The following CTDSP2 variants were observed in gnomAD, a reference collection of about 807,000 sequenced individuals.
CTDSP2 encodes the protein carboxy-terminal domain RNA polymerase II polypeptide A small phosphatase 2.
In CTDSP2, 9 loss-of-function variants were observed where a neutral mutation model predicts 31.6. The ratio of observed to expected loss-of-function variants is 0.28; its 90% confidence interval spans 0.17 to 0.50. The LOEUF is 0.50. Ranked by LOEUF, CTDSP2 falls within the 20% of genes least tolerant of loss-of-function variation. The pLI, the probability that CTDSP2 is intolerant of heterozygous loss-of-function variation, is 0.98. For missense variants in CTDSP2, 267 were observed against 348.5 expected (o/e 0.77, Z 1.86); for synonymous variants, 134 against 134.5 (o/e 1.00, Z 0.03).
At chr12:57,831,574 C>T (rs528179435) in intron 1 of CTDSP2, among the ~76,000 whole-genome samples, 5 of 152,208 alleles carry the variant, frequency 3.3e-5, no homozygotes, top group Non-Finnish European at 7.3e-5. Context: ...TGCACAACCA[C>T]TCACAGAATG....
chr12:57,844,881 G>C (rs1956304614), intron 1 of CTDSP2, among the ~76,000 whole-genome samples: 1 of 152,050 alleles, frequency 6.6e-6, no homozygotes. Flanking sequence ...TGATGCAAGA[G>C]GAACACACTG....
intron 4 of CTDSP2, among the ~76,000 whole-genome samples, chr12:57,826,737 A>G (rs1238944729): frequency 3.3e-5 from 5 of 152,110 alleles, no homozygotes; most frequent in Non-Finnish European, 7.4e-5. Flanking sequence ...TTTCTGTGCT[A>G]TGTGGCTCGG....
In CTDSP2 at chr12:57,823,499, C is replaced by A. The variant is rs1263191212; in HGVS notation, c.*103G>T. ...CAGTTACTTCCCGCTGTTTCCGGGCCGTGTGGTGAGGCACTCCAGCTTCTA... is the reference window on the plus strand; with the variant it reads ...CAGTTACTTCCCGCTGTTTCCGGGCAGTGTGGTGAGGCACTCCAGCTTCTA... On this transcript the variant is annotated 3_prime_UTR_variant, in exon 8 of 8. Coordinates refer to ENST00000398073, the MANE Select transcript of CTDSP2 (RefSeq NM_005730.4). 2.9e-6 allele frequency: 4 copies of A among 1,368,154 alleles called. No individual in the cohort carries two copies. Among genetic ancestry groups the A allele is most frequent in the Middle Eastern group, 1.9e-4 (1 of 5,336 alleles). The allele number at this position is 1,368,154 out of a possible 1,614,324, so 84.8% of individuals were successfully genotyped here. A position where few individuals can be genotyped will look rare whatever the true frequency, so the allele number is the denominator to read the frequency against.
intron 1 of CTDSP2, among the ~76,000 whole-genome samples, chr12:57,835,544 T>TCC (rs1472506030): frequency 1.3e-5 from 2 of 152,166 alleles, no homozygotes; most frequent in Non-Finnish European, 2.9e-5. Context: ...CGAGCTGCTC[T>TCC]CCCTCCTTCA....
intron 5 of CTDSP2, chr12:57,824,597 C>T (rs748634120): frequency 8.0e-6 from 5 of 621,984 alleles, no homozygotes; most frequent in Admixed American, 5.6e-5. Flanking sequence ...CTGTTTCCGG[C>T]GGCGGACCAT....
chr12:57,845,763 C>A (rs1185395345), intron 1 of CTDSP2, among the ~76,000 whole-genome samples: 1 of 152,106 alleles, frequency 6.6e-6, no homozygotes, highest in African/African-American at 2.4e-5. Context: ...GGTCCCGGGG[C>A]CTGCGCTGAG....
In CTDSP2 at chr12:57,822,232, T is replaced by G. The variant is rs1035428491; in HGVS notation, c.*1370A>C. 2.6e-5 allele frequency: 4 copies of G among 152,574 alleles called. No homozygotes were observed. The highest frequency in any genetic ancestry group is 9.7e-5 in the African/African-American group (4 of 41,442). The allele number at this position is 152,574 out of a possible 1,614,324, so 9.5% of individuals were successfully genotyped here. A position where few individuals can be genotyped will look rare whatever the true frequency, so the allele number is the denominator to read the frequency against. On this transcript the variant is annotated 3_prime_UTR_variant, in exon 8 of 8. Transcript: ENST00000398073. ...TCCCAATTACAGCAGCACTTCCTCTTATTTTCCACCCTGGGAAAACTTCCA... is the reference window on the plus strand; with the variant it reads ...TCCCAATTACAGCAGCACTTCCTCTGATTTTCCACCCTGGGAAAACTTCCA...
At chr12:57,823,825 T>C in intron 7 of CTDSP2, 79 bp downstream of exon 7, 1 of 1,608,224 alleles carries the variant, frequency 6.2e-7, no homozygotes, top group Non-Finnish European at 8.5e-7. Context: ...TGGAGGGGTG[T>C]ACTTCTCTGG....
At chr12:57,834,628 G>C (rs978218232) in intron 1 of CTDSP2, among the ~76,000 whole-genome samples, 1 of 152,146 alleles carries the variant, frequency 6.6e-6, no homozygotes. Context: ...GTTCAGAGAG[G>C]GATCTGAAAC....
chr12:57,844,108 T>C (rs1956298750), intron 1 of CTDSP2, among the ~76,000 whole-genome samples: 1 of 152,034 alleles, frequency 6.6e-6, no homozygotes, highest in African/African-American at 2.4e-5. Flanking sequence ...GGCAGGAGAA[T>C]TGCTTGAATT....
intron 1 of CTDSP2, among the ~76,000 whole-genome samples, chr12:57,832,790 T>TTAAAAA (rs1414590117): frequency 8.9e-5 from 4 of 44,898 alleles, no homozygotes; most frequent in Non-Finnish European, 1.5e-4. Context: ...AGACTCTGGC[T>TTAAAAA]AAAAAAAAAA....
At chr12:57,844,546 C>T (rs1956301898) in intron 1 of CTDSP2, among the ~76,000 whole-genome samples, 1 of 152,078 alleles carries the variant, frequency 6.6e-6, no homozygotes, top group Non-Finnish European at 1.5e-5. Context: ...CACCACTGCC[C>T]CCTCTTGAAT....
chr12:57,844,584 T>C (rs1956302186), intron 1 of CTDSP2, among the ~76,000 whole-genome samples: 1 of 151,956 alleles, frequency 6.6e-6, no homozygotes, highest in African/African-American at 2.4e-5. Context: ...TCTTCCCCTC[T>C]GGCTAGCTCT....
chr12:57,837,626 GGT>G (rs1956255997), intron 1 of CTDSP2, among the ~76,000 whole-genome samples: 1 of 151,654 alleles, frequency 6.6e-6, no homozygotes, highest in African/African-American at 2.4e-5. Flanking sequence ...AAGAGGTGGA[GGT>G]TGCAGTGAGC....
At chr12:57,825,994 GA>G (rs1489029548) in intron 5 of CTDSP2, among the ~76,000 whole-genome samples, 8 of 152,174 alleles carry the variant, frequency 5.3e-5, no homozygotes, top group East Asian at 1.9e-4. Context: ...CTTTCTTAAG[GA>G]ACAGAGAAAT....
chr12:57,845,806 C>A (rs1000466102), intron 1 of CTDSP2, among the ~76,000 whole-genome samples: 64 of 152,224 alleles, frequency 4.2e-4, no homozygotes, highest in African/African-American at 1.5e-3. Flanking sequence ...GCGCCAGGGC[C>A]CGGGCCCCTC....
chr12:57,826,451 G>A (rs1956183710), intron 4 of CTDSP2, 49 bp from the exon 5 acceptor site: 3 of 1,582,972 alleles, frequency 1.9e-6, no homozygotes, highest in Non-Finnish European at 2.6e-6. Flanking sequence ...AAAGAAACAT[G>A]AGGCCCCCAC....
At chr12:57,840,060 C>A (rs574802400) in intron 1 of CTDSP2, among the ~76,000 whole-genome samples, 1 of 152,148 alleles carries the variant, frequency 6.6e-6, no homozygotes, top group African/African-American at 2.4e-5. Flanking sequence ...TAAAACGGGA[C>A]CACCAAGAGG....
At chr12:57,834,601 G>C (rs1161919793) in intron 1 of CTDSP2, among the ~76,000 whole-genome samples, 3 of 152,186 alleles carry the variant, frequency 2.0e-5, no homozygotes, top group African/African-American at 4.8e-5. Context: ...CTTGGTTAAG[G>C]GTGAGGGAAC....
Sources: allele counts gnomAD v4.1 joint callset (sites outside exome capture counted in the v4.1 genomes callset), GRCh38; gene constraint gnomAD v4.1.1; transcripts MANE v1.5; gene names NCBI Gene and HGNC (gene_info 2026-07-23, HGNC 2026-07-21).